The following CACNB4 variants were observed in gnomAD, a reference collection of about 807,000 sequenced individuals.
CACNB4 encodes voltage-dependent L-type calcium channel subunit beta-4.
Under a neutral mutation model 71.2 loss-of-function variants are expected in CACNB4, and 32 were observed. The ratio of observed to expected loss-of-function variants is 0.45; its 90% CI spans 0.34 to 0.60. CACNB4 has a LOEUF of 0.60. Ranked by LOEUF, CACNB4 falls within the 20% of genes least tolerant of loss-of-function variation. The pLI, the probability that CACNB4 is intolerant of heterozygous loss-of-function variation, is 0.01. For missense variants in CACNB4, 464 were observed against 647.9 expected (o/e 0.72, Z 3.08); for synonymous variants, 231 against 236.9 (o/e 0.97, Z 0.23).
intron 2 of CACNB4, among the ~76,000 whole-genome samples, chr2:151,990,891 G>A (rs1681669612): frequency 6.6e-6 from 1 of 152,160 alleles, no homozygotes; most frequent in South Asian, 2.1e-4. Flanking sequence ...GCTAATATCT[G>A]TTTGAAAGGT....
At chr2:151,919,600 T>C (rs966994870) in intron 2 of CACNB4, among the ~76,000 whole-genome samples, 1 of 152,136 alleles carries the variant, frequency 6.6e-6, no homozygotes, top group Non-Finnish European at 1.5e-5. Context: ...AGGGATGGCT[T>C]GTGATAGTCC....
chr2:152,003,355 G>A (rs1187148992), intron 2 of CACNB4, among the ~76,000 whole-genome samples: 2 of 151,974 alleles, frequency 1.3e-5, no homozygotes, highest in Non-Finnish European at 2.9e-5. Context: ...CTGAGGCAGG[G>A]GAATTGCTTC....
chr2:152,068,258 T>C (rs189374581), intron 2 of CACNB4, among the ~76,000 whole-genome samples: 1 of 152,272 alleles, frequency 6.6e-6, no homozygotes, highest in East Asian at 1.9e-4. Context: ...TTCCTCTTGC[T>C]AGAGGAGAGC....
chr2:152,087,431 C>CAAA (rs754057435), intron 2 of CACNB4, among the ~76,000 whole-genome samples: 1 of 79,440 alleles, frequency 1.3e-5, no homozygotes, highest in Non-Finnish European at 2.5e-5. Flanking sequence ...GACCCCATCT[C>CAAA]AAAAAAAAAA....
At chr2:151,853,367 A>G (rs2099839521) in intron 12 of CACNB4, 81 bp downstream of exon 12, 1 of 759,454 alleles carries the variant, frequency 1.3e-6, no homozygotes, top group African/African-American at 1.8e-5. Flanking sequence ...TTTTAGAATG[A>G]AAACAACAAT....
intron 2 of CACNB4, among the ~76,000 whole-genome samples, chr2:151,898,684 A>G (rs1424687726): frequency 6.6e-6 from 1 of 152,208 alleles, no homozygotes; most frequent in African/African-American, 2.4e-5. Flanking sequence ...AATAATTCCT[A>G]TTTTAAAGCT....
At chr2:151,841,727 T>A in intron 13 of CACNB4, 176 bp downstream of exon 13, 1 of 545,110 alleles carries the variant, frequency 1.8e-6, no homozygotes, top group South Asian at 2.8e-5. Flanking sequence ...TGTCAGTCTC[T>A]GGGTAGTTTT....
At chr2:151,877,787 T>C (rs2099846829) in intron 4 of CACNB4, among the ~76,000 whole-genome samples, 1 of 152,212 alleles carries the variant, frequency 6.6e-6, no homozygotes, top group Non-Finnish European at 1.5e-5. Context: ...AGAATTTCCA[T>C]TTAAGTTAAG....
intron 2 of CACNB4, among the ~76,000 whole-genome samples, chr2:151,914,595 T>C (rs189435983): frequency 3.3e-5 from 5 of 152,340 alleles, no homozygotes; most frequent in Admixed American, 1.3e-4. Context: ...TTCTTTCTCA[T>C]CTTTGTGAGT....
chr2:151,935,980 A>T (rs540864631), intron 2 of CACNB4, among the ~76,000 whole-genome samples: 11 of 152,330 alleles, frequency 7.2e-5, no homozygotes, highest in Middle Eastern at 3.4e-3. Context: ...ACTAGTATAG[A>T]TTTAGTTTTC....
intron 2 of CACNB4, among the ~76,000 whole-genome samples, chr2:151,902,613 T>G (rs1343011383): frequency 6.6e-6 from 1 of 152,148 alleles, no homozygotes; most frequent in African/African-American, 2.4e-5. Flanking sequence ...TATATTTTGG[T>G]TTTTACATCA....
intron 6 of CACNB4, 177 bp downstream of exon 6, chr2:151,872,240 C>T (rs2099844830): frequency 1.4e-5 from 8 of 576,192 alleles, no homozygotes; most frequent in South Asian, 1.3e-4. Context: ...ATTTTTAATA[C>T]CATTTTAAAT....
At chr2:151,846,410 G>A (rs747278476) in intron 12 of CACNB4, among the ~76,000 whole-genome samples, 94 of 152,154 alleles carry the variant, frequency 6.2e-4, no homozygotes, top group African/African-American at 2.2e-3. Context: ...TAGCATGGAG[G>A]GGAGAATCTC....
chr2:151,894,809 T>C (rs2099851597), intron 2 of CACNB4, among the ~76,000 whole-genome samples: 1 of 152,104 alleles, frequency 6.6e-6, no homozygotes, highest in Non-Finnish European at 1.5e-5. Context: ...CCATTTATAA[T>C]AGTTACAAGA....
At chr2:151,882,053 G>C (rs2151447641) in intron 3 of CACNB4, among the ~76,000 whole-genome samples, 1 of 151,762 alleles carries the variant, frequency 6.6e-6, no homozygotes, top group African/African-American at 2.4e-5. Flanking sequence ...GCTATTTTTT[G>C]TATATTTAGT....
chr2:151,952,321 G>A (rs1261191604), intron 2 of CACNB4, among the ~76,000 whole-genome samples: 1 of 152,170 alleles, frequency 6.6e-6, no homozygotes, highest in African/African-American at 2.4e-5. Context: ...TGAAGAGACA[G>A]CTAGAAATAG....
intron 2 of CACNB4, among the ~76,000 whole-genome samples, chr2:151,958,239 A>G (rs1366732740): frequency 6.6e-6 from 1 of 152,232 alleles, no homozygotes; most frequent in African/African-American, 2.4e-5. Context: ...AGGATAATAT[A>G]TGGCAAGCTT....
rs1299600578 is a variant in CACNB4, at chr2:151,835,115, TTAAACA to T, written c.*3998_*4003del. 6.6e-6 allele frequency: 1 copy of T among 151,970 alleles called. No homozygotes were observed. Among genetic ancestry groups the T allele is most frequent in the African/African-American group, 2.4e-5 (1 of 41,442 alleles). The allele number at this position is 151,970 out of a possible 1,614,324, so 9.4% of individuals were successfully genotyped here. A position where few individuals can be genotyped will look rare whatever the true frequency, so the allele number is the denominator to read the frequency against. On this transcript the variant is annotated 3_prime_UTR_variant, in exon 14 of 14. Transcript: ENST00000539935. ...ATGTGAATTTGCAAACCAGCTGCTCTTAAACATAAAGTCTTTGGACTTTTACTCCTT... is the reference window on the plus strand; with the variant it reads ...ATGTGAATTTGCAAACCAGCTGCTCTTAAAGTCTTTGGACTTTTACTCCTT...
At chr2:151,948,033 T>G (rs2099866020) in intron 2 of CACNB4, among the ~76,000 whole-genome samples, 1 of 152,272 alleles carries the variant, frequency 6.6e-6, no homozygotes, top group African/African-American at 2.4e-5. Context: ...GGGCTTTCAG[T>G]TTTTGGCATG....
Sources: gnomAD v4.1 joint callset for allele counts (sites outside exome capture counted in the v4.1 genomes callset) on GRCh38, gnomAD v4.1.1 for gene constraint, MANE v1.5 for transcripts, NCBI Gene and HGNC (gene_info 2026-07-23, HGNC 2026-07-21) for gene names.